The following SESN1 variants were observed in gnomAD, a reference collection of about 807,000 sequenced individuals.
SESN1 encodes sestrin-1.
Under a neutral mutation model 59.3 loss-of-function variants are expected in SESN1, and 30 were observed. That is an observed-to-expected ratio of 0.51 (90% CI 0.38 to 0.69). SESN1 has a LOEUF of 0.69. Ranked by LOEUF, SESN1 falls within the 30% of genes least tolerant of loss-of-function variation. The pLI is 0.00. For missense variants in SESN1, 566 were observed against 673.0 expected, an observed-to-expected ratio of 0.84 and a Z score of 1.76; for synonymous variants, 197 against 219.9, an observed-to-expected ratio of 0.90 and a Z score of 0.92.
At chr6:109,060,893 T>A (rs1009939009) in intron 1 of SESN1, among the ~76,000 whole-genome samples, 1 of 152,180 alleles carries the variant, frequency 6.6e-6, no homozygotes, top group African/African-American at 2.4e-5. Context: ...ACTTTCAATG[T>A]CTCCAGGAAA....
chr6:109,008,140 A>G (rs929977468), intron 1 of SESN1, among the ~76,000 whole-genome samples: 2 of 152,196 alleles, frequency 1.3e-5, no homozygotes, highest in African/African-American at 4.8e-5. Context: ...CTATTTCTTT[A>G]TCTTTTAGTT....
At chr6:109,000,754 G>A (rs753215243) in intron 3 of SESN1, 81 bp from the exon 4 acceptor site, 624 of 1,140,412 alleles carry the variant, frequency 5.5e-4, no homozygotes, top group Non-Finnish European at 7.0e-4. Context: ...ATGCAAAAGA[G>A]CTAATTAAGT....
At chr6:109,050,799 A>G (rs1158660953) in intron 1 of SESN1, among the ~76,000 whole-genome samples, 1 of 152,176 alleles carries the variant, frequency 6.6e-6, no homozygotes, top group Non-Finnish European at 1.5e-5. Context: ...GCTGCCAACA[A>G]TCACTCATCC....
At chr6:108,991,570 T>A (rs1282219381) in intron 7 of SESN1, among the ~76,000 whole-genome samples, 1 of 152,144 alleles carries the variant, frequency 6.6e-6, no homozygotes, top group Non-Finnish European at 1.5e-5. Context: ...ATTAAACACA[T>A]CTATCACCCA....
intron 1 of SESN1, chr6:109,008,834 A>T (rs1278553186): frequency 1.0e-6 from 1 of 985,508 alleles, no homozygotes; most frequent in African/African-American, 1.7e-5. Context: ...CTTGCAGGAC[A>T]CACTTATTCC....
chr6:109,082,801 C>A lies in SESN1; in HGVS notation c.279+10994G>T, dbSNP rs138599937. On this transcript the variant is annotated intron_variant, in intron 1 of 9. Transcript: ENST00000436639. The stretch of plus-strand genomic sequence containing the variant: ...ATTTTCAATACATGTGGATAAAGTG[C>A]GGGATGTATGAAAGTCAATCACGTA... Among the ~76,000 whole-genome samples, 361 of 152,250 alleles carry A rather than the reference C, an allele frequency of 2.4e-3. 1 individual carries two copies. The highest frequency in any genetic ancestry group is 8.3e-3 in the African/African-American group (344 of 41,538).
At chr6:109,074,832 A>G (rs1781005085) in intron 1 of SESN1, among the ~76,000 whole-genome samples, 1 of 152,226 alleles carries the variant, frequency 6.6e-6, no homozygotes, top group Admixed American at 6.5e-5. Context: ...GCTGACTGCC[A>G]TTTCCTACCT....
At chr6:109,049,478 G>C (rs986935476) in intron 1 of SESN1, among the ~76,000 whole-genome samples, 3 of 151,990 alleles carry the variant, frequency 2.0e-5, no homozygotes, top group Non-Finnish European at 2.9e-5. Flanking sequence ...AGCAATGTAG[G>C]ATAACTATAG....
chr6:109,066,302 T>C (rs540891954), intron 1 of SESN1, among the ~76,000 whole-genome samples: 1 of 151,964 alleles, frequency 6.6e-6, no homozygotes, highest in East Asian at 1.9e-4. Context: ...ATCACGAAGG[T>C]TTGCTGTTTC....
rs1779676424 is a variant in SESN1 at position 109,003,898 on chromosome 6, C to T, written c.280-1555G>A. On this transcript the variant is annotated intron_variant, in intron 1 of 9. Transcript: ENST00000436639. ...ACTAAGGCTAAAATTAACATTTATC[C>T]CCTCTAATTTCTTTAATCTTGAAAA... Among the ~76,000 whole-genome samples, 7 of 152,128 alleles carry T rather than the reference C, an allele frequency of 4.6e-5. No individual in the cohort carries two copies. In the South Asian group the frequency reaches 1.2e-3, roughly 27 times the overall value.
At chr6:109,089,694 G>T (rs1269435753) in intron 1 of SESN1, among the ~76,000 whole-genome samples, 1 of 152,116 alleles carries the variant, frequency 6.6e-6, no homozygotes, top group East Asian at 1.9e-4. Context: ...AGTACCTCAA[G>T]CCAAAAACTT....
At chr6:109,041,309 A>C (rs927318650) in intron 1 of SESN1, among the ~76,000 whole-genome samples, 1 of 152,044 alleles carries the variant, frequency 6.6e-6, no homozygotes, top group Non-Finnish European at 1.5e-5. Context: ...CTCAAAAACT[A>C]AATAAATAAT....
At chr6:109,045,498 T>C (rs1780414036) in intron 1 of SESN1, among the ~76,000 whole-genome samples, 1 of 152,234 alleles carries the variant, frequency 6.6e-6, no homozygotes, top group Non-Finnish European at 1.5e-5. Flanking sequence ...ATGTCTCCAA[T>C]GATACTGAGT....
chr6:108,998,351 T>A, intron 5 of SESN1, 162 bp downstream of exon 5: 2 of 707,156 alleles, frequency 2.8e-6, no homozygotes, highest in Non-Finnish European at 4.6e-6. Flanking sequence ...GTGATGAGCA[T>A]GTGAGGCAGT....
chr6:108,988,314 C>A, intron 9 of SESN1: 1 of 386,192 alleles, frequency 2.6e-6, no homozygotes, highest in Non-Finnish European at 4.6e-6. Context: ...ACAGCCATGC[C>A]AGCACTTCTG....
chr6:109,089,674 C>A (rs997786497), intron 1 of SESN1, among the ~76,000 whole-genome samples: 2 of 152,178 alleles, frequency 1.3e-5, no homozygotes, highest in East Asian at 3.9e-4. Context: ...AACAATTGCA[C>A]AATTCACCAA....
intron 1 of SESN1, among the ~76,000 whole-genome samples, chr6:109,071,337 A>G (rs1262756826): frequency 5.9e-5 from 9 of 151,696 alleles, no homozygotes; most frequent in African/African-American, 2.2e-4. Flanking sequence ...GGCATATACA[A>G]AGATAGTTTT....
In SESN1 at chr6:109,005,034, A is replaced by T. The variant is rs1334989511; in HGVS notation, c.280-2691T>A. On this transcript the variant is annotated intron_variant, in intron 1 of 9. Coordinates refer to ENST00000436639, the MANE Select transcript of SESN1 (RefSeq NM_014454.3). ...AATTTGTAATAGTGATCAAAATTAA[A>T]AAGTCCCATAGCCTTTGAATCAACA... 2.6e-5 allele frequency among the ~76,000 whole-genome samples: 4 copies of T among 152,212 alleles called. No individual in the cohort carries two copies. The East Asian group carries it at 7.7e-4, about 29-fold the overall frequency.
rs149181847 is a variant in SESN1, at chr6:109,070,157, G to A, written c.279+23638C>T. Among the ~76,000 whole-genome samples the A allele has an allele frequency of 6.6e-5, 10 of 152,268 alleles. No homozygotes were observed. In the East Asian group the frequency reaches 7.7e-4, roughly 12 times the overall value. ...TTCACGTGATTTGAATGTAGGAAGT[G>A]CAAAAGAGCATTAAGTCTCTGAGAC... On this transcript the variant is annotated intron_variant, in intron 1 of 9. Coordinates refer to ENST00000436639, the MANE Select transcript of SESN1 (RefSeq NM_014454.3).
Sources: allele counts gnomAD v4.1 joint callset (sites outside exome capture counted in the v4.1 genomes callset), GRCh38; gene constraint gnomAD v4.1.1; transcripts MANE v1.5; gene names NCBI Gene and HGNC (gene_info 2026-07-23, HGNC 2026-07-21).